Variants in LRCH3 observed in about 807,000 individuals in gnomAD.
The protein encoded by LRCH3 is DISP complex protein LRCH3.
LRCH3 carries 68 observed loss-of-function variants against 104.5 expected under a neutral mutation model. The observed-to-expected ratio is 0.65, with a 90% CI of 0.54 to 0.80. The LOEUF (loss-of-function observed/expected upper bound fraction) is 0.80, where lower values mean the gene tolerates loss of function less well. Ranked by LOEUF, LRCH3 falls within the 30% of genes least tolerant of loss-of-function variation. The pLI is 0.00. For synonymous variants in LRCH3, 344 were observed against 361.3 expected, an observed-to-expected ratio of 0.95 and a Z score of 0.54; for missense variants, 951 against 953.9, an observed-to-expected ratio of 1.00 and a Z score of 0.04.
chr3:197,880,229 GC>G (rs1295650816), intron 20 of LRCH3, among the ~76,000 whole-genome samples: 4 of 152,064 alleles, frequency 2.6e-5, no homozygotes, highest in African/African-American at 7.3e-5. Context: ...ACAGGTGTGA[GC>G]CACCGCGCCC....
intron 20 of LRCH3, among the ~76,000 whole-genome samples, chr3:197,878,118 T>C (rs1029564974): frequency 1.3e-5 from 2 of 152,100 alleles, no homozygotes; most frequent in Non-Finnish European, 2.9e-5. Context: ...ATGGCATGGG[T>C]TGGTGCAGAG....
rs767686180 is a variant in LRCH3, at chr3:197,814,946, G to A, written c.301G>A (p.Ala101Thr). The change falls in exon 2 of 21, where the codon GCA (alanine) becomes ACA (threonine). Residue 101 changes from alanine (A) to threonine (T), a missense_variant. Physicochemically the swap from Ala to Thr is moderately conservative, Grantham distance 58. Coordinates refer to ENST00000425562, the MANE Select transcript of LRCH3 (RefSeq NM_001365715.1). ...TCGCCTTTCAGAAATTCCTATAGAAGCATGTCACTTTGTTTCTCTGGAAAA... is the reference window on the plus strand; with the variant it reads ...TCGCCTTTCAGAAATTCCTATAGAAACATGTCACTTTGTTTCTCTGGAAAA... Reference protein sequence around the residue: ...RNRLSEIPIEACHFVSLENLN... With the variant: ...RNRLSEIPIETCHFVSLENLN... The A allele has an allele frequency of 1.9e-6, 3 of 1,600,398 alleles. No homozygotes were observed. Among genetic ancestry groups the A allele is most frequent in the South Asian group, 2.3e-5 (2 of 86,354 alleles).
intron 1 of LRCH3, among the ~76,000 whole-genome samples, chr3:197,797,783 C>T (rs1419272828): frequency 2.1e-5 from 3 of 145,682 alleles, no homozygotes; most frequent in Admixed American, 1.4e-4. Context: ...TCGCTTGTGC[C>T]GGGGAGGTGG....
rs183764601 is a variant in LRCH3 at position 197,850,771 on chromosome 3, G to A, written c.1531-1790G>A. On this transcript the variant is annotated intron_variant, in intron 12 of 20. Coordinates refer to ENST00000425562, the MANE Select transcript of LRCH3 (RefSeq NM_001365715.1). Reference sequence around the variant, plus strand: ...CACCTGCCAACTCCATCATTGTAACGTCGGAATGGTACACGCTGTTTCTGT... The same window carrying A: ...CACCTGCCAACTCCATCATTGTAACATCGGAATGGTACACGCTGTTTCTGT... 758 of 1,258,316 alleles carry A rather than the reference G, an allele frequency of 6.0e-4. 1 individual carries two copies. The highest frequency in any genetic ancestry group is 7.6e-4 in the Non-Finnish European group (652 of 856,158). The allele number at this position is 1,258,316 out of a possible 1,614,324, so 77.9% of individuals were successfully genotyped here.
At chr3:197,880,430 T>C in intron 20 of LRCH3, 6 of 1,037,602 alleles carry the variant, frequency 5.8e-6, no homozygotes, top group Non-Finnish European at 8.6e-6. Flanking sequence ...GAGATGATCA[T>C]ATGAATTCTA....
intron 15 of LRCH3, 86 bp from the exon 16 acceptor site, chr3:197,865,337 G>T: frequency 4.1e-6 from 4 of 979,538 alleles, no homozygotes; most frequent in Admixed American, 2.3e-5. Flanking sequence ...CCTGTTTTTT[G>T]TCTTTTATAA....
At chr3:197,823,201 C>G (rs1734706867) in intron 4 of LRCH3, 1 of 151,250 alleles carries the variant, frequency 6.6e-6, no homozygotes, top group Non-Finnish European at 1.5e-5. Context: ...AACTCCTGAC[C>G]TCATGATCCG....
rs975874617 is a variant in LRCH3, at chr3:197,880,014, C to T, written c.2209-3527C>T. Among the ~76,000 whole-genome samples, 21 of 150,474 alleles carry T rather than the reference C, an allele frequency of 1.4e-4. No individual in the cohort carries two copies. The South Asian group carries it at 2.5e-3, about 18-fold the overall frequency. On this transcript the variant is annotated intron_variant, in intron 20 of 20. Transcript: ENST00000425562. ...AGGCTGGAGTGCGGTGGCGCGATCT[C>T]GGCTCACTGCAAGCTCCGCCTCCCG...
intron 20 of LRCH3, among the ~76,000 whole-genome samples, chr3:197,879,503 G>T (rs555262419): frequency 6.6e-6 from 1 of 151,320 alleles, no homozygotes; most frequent in African/African-American, 2.5e-5. Flanking sequence ...AAAATTAGCC[G>T]GGCGTGGTGG....
chr3:197,868,228 C>T (rs970996302), intron 17 of LRCH3, among the ~76,000 whole-genome samples: 7 of 151,916 alleles, frequency 4.6e-5, no homozygotes, highest in African/African-American at 7.3e-5. Context: ...AACAAGACAA[C>T]GATAATAAAC....
intron 1 of LRCH3, among the ~76,000 whole-genome samples, chr3:197,799,451 C>T (rs1731626836): frequency 6.6e-6 from 1 of 152,296 alleles, no homozygotes; most frequent in South Asian, 2.1e-4. Flanking sequence ...TCACTTTTAA[C>T]TTTCTTCTTT....
At position 197,865,479 on chromosome 3, in the gene LRCH3, A is replaced by G; in HGVS notation, c.1765+8A>G. On this transcript the variant is annotated splice_region_variant and intron_variant, in intron 16 of 20. Coordinates refer to ENST00000425562, the MANE Select transcript of LRCH3 (RefSeq NM_001365715.1). ...CACCTGCAACAGAAACAGGTAATAG[A>G]CACAAAGGTGCAATTAACCACATCA... 1 of 1,511,322 alleles carries G rather than the reference A, an allele frequency of 6.6e-7. No individual in the cohort carries two copies. The highest frequency in any genetic ancestry group is 1.3e-5 in the South Asian group (1 of 77,848). The allele number at this position is 1,511,322 out of a possible 1,614,324, so 93.6% of individuals were successfully genotyped here. A position where few individuals can be genotyped will look rare whatever the true frequency, so the allele number is the denominator to read the frequency against.
intron 15 of LRCH3, among the ~76,000 whole-genome samples, chr3:197,864,514 G>A (rs1580857286): frequency 6.7e-6 from 1 of 148,222 alleles, no homozygotes; most frequent in Non-Finnish European, 1.5e-5. Flanking sequence ...GGAGGCTGAG[G>A]CAGGAGAATT....
At chr3:197,835,564 TA>T (rs1736664445) in intron 8 of LRCH3, 109 bp from the exon 9 acceptor site, 4 of 1,274,074 alleles carry the variant, frequency 3.1e-6, no homozygotes, top group Middle Eastern at 3.0e-4. Flanking sequence ...ACTTTCAAAA[TA>T]GAAAATCATG....
At chr3:197,791,609 G>A (rs993924219) in intron 1 of LRCH3, 69 bp downstream of exon 1, 52 of 1,458,276 alleles carry the variant, frequency 3.6e-5, no homozygotes, top group Middle Eastern at 2.3e-4. Context: ...GCCGGGGGAG[G>A]CGGATGCGGG....
intron 4 of LRCH3, among the ~76,000 whole-genome samples, 189 bp downstream of exon 4, chr3:197,820,619 T>C (rs996957318): frequency 3.3e-5 from 5 of 152,176 alleles, no homozygotes; most frequent in African/African-American, 1.2e-4. Context: ...GAGACCAGCC[T>C]GGGCAATATA....
rs555771464 is a variant in LRCH3, at chr3:197,869,962, G to T, written c.1874-198G>T. Among the ~76,000 whole-genome samples the T allele has an allele frequency of 2.0e-5, 3 of 151,020 alleles. No individual in the cohort carries two copies. The South Asian group carries it at 6.3e-4, about 32-fold the overall frequency. ...AAGCGATGCACTGTACCCGCAGGAG[G>T]TAGAAAGCGATGCACTGTACCCGCA... On this transcript the variant is annotated intron_variant, in intron 17 of 20. Transcript: ENST00000425562.
At chr3:197,864,854 C>G (rs1741300684) in intron 15 of LRCH3, among the ~76,000 whole-genome samples, 1 of 151,474 alleles carries the variant, frequency 6.6e-6, no homozygotes, top group South Asian at 2.1e-4. Context: ...GACACTGTCT[C>G]TACAAAAAAT....
intron 8 of LRCH3, among the ~76,000 whole-genome samples, chr3:197,833,179 G>A (rs750576089): frequency 2.6e-5 from 4 of 151,846 alleles, no homozygotes; most frequent in East Asian, 1.9e-4. Flanking sequence ...GATCTGTGCC[G>A]GTATGATAGC....
Sources: allele counts gnomAD v4.1 joint callset (sites outside exome capture counted in the v4.1 genomes callset), GRCh38; gene constraint gnomAD v4.1.1; transcripts MANE v1.5; gene names NCBI Gene and HGNC (gene_info 2026-07-23, HGNC 2026-07-21).